The following GAPVD1 variants were observed in gnomAD, a reference collection of about 807,000 sequenced individuals.
GAPVD1 encodes GTPase-activating protein and VPS9 domain-containing protein 1.
A neutral mutation model predicts 155.5 loss-of-function variants in GAPVD1; 35 were observed. The ratio of observed to expected loss-of-function variants is 0.23; its 90% CI spans 0.17 to 0.30. The LOEUF (loss-of-function observed/expected upper bound fraction) is 0.30, where lower values mean the gene tolerates loss of function less well. Among genes scored for constraint, GAPVD1 ranks in the 10% least tolerant of loss-of-function variants. GAPVD1 has a pLI of 1.00. For missense variants in GAPVD1, 1,429 were observed against 1,775.7 expected (o/e 0.80, Z 3.51); for synonymous variants, 636 against 619.7 (o/e 1.03, Z -0.39).
chr9:125,330,033 C>T (rs1588983555), intron 12 of GAPVD1, 45 bp from the exon 13 acceptor site: 1 of 1,523,152 alleles, frequency 6.6e-7, no homozygotes, highest in East Asian at 2.3e-5. Context: ...ACTGCACTTT[C>T]CTCCAGGATC....
chr9:125,357,765 A>G (rs984425928), intron 25 of GAPVD1, among the ~76,000 whole-genome samples: 2 of 152,166 alleles, frequency 1.3e-5, no homozygotes, highest in Non-Finnish European at 2.9e-5. Context: ...CCTGAGGTTC[A>G]GGAGTTGGTG....
rs1836927118 is a variant in GAPVD1 at position 125,282,342 on chromosome 9, G to A, written c.-149-13116G>A. ...AGTAAAAACGGGGTTTCACCATGTT[G>A]GTCAGGCTGGTCTTGAACTCCTGGC... On this transcript the variant is annotated intron_variant, in intron 2 of 27. Coordinates refer to ENST00000297933, the MANE Select transcript of GAPVD1 (RefSeq NM_001282680.3). Among the ~76,000 whole-genome samples the A allele has an allele frequency of 3.3e-5, 5 of 152,152 alleles. No homozygotes were observed. The South Asian group carries it at 1.0e-3, about 32-fold the overall frequency.
At chr9:125,317,243 G>T (rs1273721444) in intron 9 of GAPVD1, among the ~76,000 whole-genome samples, 1 of 151,906 alleles carries the variant, frequency 6.6e-6, no homozygotes, top group Non-Finnish European at 1.5e-5. Flanking sequence ...GCTTGAACCT[G>T]GGAGGCGGAG....
intron 9 of GAPVD1, among the ~76,000 whole-genome samples, chr9:125,320,343 T>G (rs561962840): frequency 6.6e-6 from 1 of 152,180 alleles, no homozygotes; most frequent in Admixed American, 6.6e-5. Flanking sequence ...GATGTAGTTA[T>G]GTTATTTGGA....
chr9:125,302,085 T>C lies in GAPVD1; in HGVS notation c.288T>C (p.Tyr96=), dbSNP rs764132129. ...AATTGGGATTTCAGGAGACTGCTTA[T>C]GGAGAATTCTTGAGTCGATTGAGGG... ...YKQLGFQETA[Y]GEFLSRLREN... is the part of the protein sequence containing the mutation. The change falls in exon 5 of 28, where the codon TAT becomes TAC. Residue 96 remains tyrosine, a synonymous_variant. Transcript: ENST00000297933. The C allele has an allele frequency of 2.5e-6, 4 of 1,613,672 alleles. No individual in the cohort carries two copies. Among genetic ancestry groups the C allele is most frequent in the South Asian group, 1.1e-5 (1 of 91,068 alleles).
chr9:125,290,987 C>G (rs1838496248), intron 2 of GAPVD1, among the ~76,000 whole-genome samples: 1 of 122,714 alleles, frequency 8.1e-6, no homozygotes, highest in African/African-American at 3.3e-5. Context: ...AAGACCCTGT[C>G]TCAAAGTAAA....
rs1840350085 is a variant in GAPVD1, at chr9:125,299,063, G to T, written c.142G>T (p.Ala48Ser). The T allele has an allele frequency of 6.2e-7, 1 of 1,605,762 alleles. No individual in the cohort carries two copies. Residue 48 changes from alanine to serine, a missense_variant, in exon 4 of 28, where the codon GCG (alanine) becomes TCG (serine). Ala to Ser is a moderately conservative substitution (Grantham distance 99, BLOSUM62 1). Coordinates refer to ENST00000297933, the MANE Select transcript of GAPVD1 (RefSeq NM_001282680.3). Reference protein sequence around the residue: ...AEKLYRTAWIAKQQRINLDRL... With the variant: ...AEKLYRTAWISKQQRINLDRL... ...AAAGTTGTATCGTACAGCATGGATT[G>T]CGAAGCAACAGAGAATCAATTTGGA...
At position 125,366,139 on chromosome 9, in the gene GAPVD1, G is replaced by A. The variant is rs1005893460; in HGVS notation, c.*3393G>A. ...CTAAGGGATTGCAAATGTGCTGCAT[G>A]GTTTTTCTATTCCTATGTCCTGGAA... On this transcript the variant is annotated 3_prime_UTR_variant, in exon 28 of 28. Transcript: ENST00000297933. 2 of 152,166 alleles carry A rather than the reference G, an allele frequency of 1.3e-5. No individual in the cohort carries two copies. Among genetic ancestry groups the A allele is most frequent in the Admixed American group, 6.5e-5 (1 of 15,280 alleles). 9.4% of individuals were successfully genotyped at this position (152,166 alleles called of 1,614,324 possible). A position where few individuals can be genotyped will look rare whatever the true frequency, so the allele number is the denominator to read the frequency against.
At chr9:125,349,273 A>G in intron 20 of GAPVD1, 117 bp from the exon 21 acceptor site, 3 of 801,826 alleles carry the variant, frequency 3.7e-6, no homozygotes, top group Non-Finnish European at 5.9e-6. Context: ...TTTTTTCCAG[A>G]GAACTCTTAT....
At chr9:125,354,000 A>T (rs1849682476) in intron 23 of GAPVD1, among the ~76,000 whole-genome samples, 1 of 152,240 alleles carries the variant, frequency 6.6e-6, no homozygotes, top group African/African-American at 2.4e-5. Flanking sequence ...TGAGGCTAGA[A>T]CAACTAGAAT....
chr9:125,314,286 A>T (rs555092668), intron 9 of GAPVD1, among the ~76,000 whole-genome samples: 5 of 152,184 alleles, frequency 3.3e-5, no homozygotes, highest in Non-Finnish European at 7.3e-5. Context: ...AAGAAAATAA[A>T]TTTTTTTAAG....
intron 5 of GAPVD1, among the ~76,000 whole-genome samples, chr9:125,303,050 G>T (rs907300529): frequency 6.6e-6 from 1 of 151,920 alleles, no homozygotes; most frequent in African/African-American, 2.4e-5. Flanking sequence ...TTTGAGACAG[G>T]GTCTCACTCT....
At chr9:125,347,645 A>G (rs973477712) in intron 20 of GAPVD1, among the ~76,000 whole-genome samples, 8 of 152,004 alleles carry the variant, frequency 5.3e-5, no homozygotes, top group Admixed American at 6.6e-5. Context: ...GCTTGATCCC[A>G]GGAGGCGGAG....
At chr9:125,326,237 G>C (rs530901129) in intron 11 of GAPVD1, among the ~76,000 whole-genome samples, 179 bp from the exon 12 acceptor site, 2 of 152,332 alleles carry the variant, frequency 1.3e-5, no homozygotes, top group African/African-American at 4.8e-5. Flanking sequence ...GAATTGATAG[G>C]CCAGGCACAG....
At chr9:125,307,620 A>G in intron 7 of GAPVD1, 71 bp from the exon 8 acceptor site, 1 of 1,559,734 alleles carries the variant, frequency 6.4e-7, no homozygotes, top group Non-Finnish European at 8.8e-7. Flanking sequence ...ATACATGAGT[A>G]CATTGTGTGG....
At chr9:125,316,565 G>A (rs141971434) in intron 9 of GAPVD1, among the ~76,000 whole-genome samples, 1 of 152,142 alleles carries the variant, frequency 6.6e-6, no homozygotes, top group African/African-American at 2.4e-5. Flanking sequence ...CAAAGGACAT[G>A]AACTAATCCT....
chr9:125,266,748 C>G (rs562577488), intron 1 of GAPVD1, among the ~76,000 whole-genome samples: 4 of 151,756 alleles, frequency 2.6e-5, no homozygotes, highest in South Asian at 2.1e-4. Context: ...TTCTGCTGTT[C>G]GTTTTGTTTT....
chr9:125,305,807 C>G (rs987135669), intron 6 of GAPVD1, among the ~76,000 whole-genome samples: 11 of 152,004 alleles, frequency 7.2e-5, no homozygotes, highest in Admixed American at 5.9e-4. Flanking sequence ...GGGCACACCA[C>G]CATGCCCGGC....
intron 17 of GAPVD1, among the ~76,000 whole-genome samples, chr9:125,339,701 A>T (rs528564354): frequency 6.6e-6 from 1 of 152,212 alleles, no homozygotes; most frequent in Non-Finnish European, 1.5e-5. Flanking sequence ...GACACATTCA[A>T]TTCTAGTCCA....
Sources: gnomAD v4.1 joint callset for allele counts (sites outside exome capture counted in the v4.1 genomes callset) on GRCh38, gnomAD v4.1.1 for gene constraint, MANE v1.5 for transcripts, NCBI Gene and HGNC (gene_info 2026-07-23, HGNC 2026-07-21) for gene names.